Variants in DAB1 observed in about 807,000 individuals in gnomAD.
DAB1 encodes disabled homolog 1.
Under a neutral mutation model 64.6 loss-of-function variants are expected in DAB1, and 15 were observed. The observed-to-expected ratio is 0.23, with a 90% CI of 0.16 to 0.36. The LOEUF (loss-of-function observed/expected upper bound fraction) is 0.36. DAB1 is among the 10% of genes least tolerant of loss of function. DAB1 has a pLI of 1.00. For missense variants in DAB1, 596 were observed against 706.7 expected (o/e 0.84, Z 1.78); for synonymous variants, 235 against 251.9 (o/e 0.93, Z 0.64).
chr1:58,344,947 A>G (rs778442065), intron 3 of DAB1, among the ~76,000 whole-genome samples: 1 of 152,164 alleles, frequency 6.6e-6, no homozygotes, highest in Non-Finnish European at 1.5e-5. Context: ...TCTCTGTTAT[A>G]TGGCCATTGT....
intron 5 of DAB1, among the ~76,000 whole-genome samples, chr1:57,951,334 T>TATATATATATATATATATATATATATC (rs1219655257): frequency 0.025 from 1,590 of 63,462 alleles, 234 homozygotes; most frequent in African/African-American, 0.038. Flanking sequence ...ATATATATAC[T>TATATATATATATATATATATATATATC]TCCCTGGAAA....
upstream of DAB1, among the ~76,000 whole-genome samples, chr1:57,884,650 T>C (rs201557425): frequency 2.6e-5 from 4 of 152,198 alleles, no homozygotes; most frequent in East Asian, 5.8e-4. Flanking sequence ...CTTCAGAAAA[T>C]GTATAAAGGA....
intron 7 of DAB1, among the ~76,000 whole-genome samples, chr1:57,586,365 T>C (rs1645380492): frequency 6.6e-6 from 1 of 152,208 alleles, no homozygotes; most frequent in Admixed American, 6.5e-5. Flanking sequence ...AGCTCTGCAA[T>C]GTCTTTGTTT....
chr1:57,716,404 G>C (rs1647084633), intron 6 of DAB1, among the ~76,000 whole-genome samples: 2 of 152,072 alleles, frequency 1.3e-5, no homozygotes, highest in Admixed American at 1.3e-4. Flanking sequence ...TAGACCAGTG[G>C]AACAGTGTAC....
At chr1:57,755,005 A>G (rs1295337199) in intron 6 of DAB1, among the ~76,000 whole-genome samples, 1 of 145,502 alleles carries the variant, frequency 6.9e-6, no homozygotes, top group Non-Finnish European at 1.6e-5. Context: ...AAAAACAAAC[A>G]AACAAAAAAT....
At chr1:57,316,297 A>G (rs898503948) in intron 1 of DAB1, among the ~76,000 whole-genome samples, 9 of 152,254 alleles carry the variant, frequency 5.9e-5, no homozygotes, top group Non-Finnish European at 1.3e-4. Context: ...TAAAGAGTCA[A>G]ATCTTAGATC....
chr1:58,257,818 T>C (rs748388887), intron 4 of DAB1, among the ~76,000 whole-genome samples: 1 of 152,110 alleles, frequency 6.6e-6, no homozygotes, highest in Non-Finnish European at 1.5e-5. Flanking sequence ...TATGAGGTTA[T>C]GGTTTATGAT....
chr1:57,941,595 G>C (rs1246436381), intron 5 of DAB1, among the ~76,000 whole-genome samples: 2 of 152,224 alleles, frequency 1.3e-5, no homozygotes, highest in Non-Finnish European at 2.9e-5. Flanking sequence ...CCAGCACTTT[G>C]GGAGGCCAAG....
At chr1:57,919,047 A>T (rs528341926) in intron 5 of DAB1, among the ~76,000 whole-genome samples, 3 of 152,334 alleles carry the variant, frequency 2.0e-5, no homozygotes, top group Non-Finnish European at 4.4e-5. Context: ...TATATTTGCA[A>T]TAACCCAGGC....
At chr1:58,370,217 A>T (rs563452844) in intron 3 of DAB1, among the ~76,000 whole-genome samples, 2 of 152,332 alleles carry the variant, frequency 1.3e-5, no homozygotes, top group Non-Finnish European at 2.9e-5. Flanking sequence ...AGTGTACTGA[A>T]TGTGAATAGA....
intron 1 of DAB1, among the ~76,000 whole-genome samples, chr1:57,869,626 A>G (rs890941436): frequency 6.6e-6 from 1 of 152,060 alleles, no homozygotes; most frequent in African/African-American, 2.4e-5. Flanking sequence ...TAGGCCTGCT[A>G]CCCTCCTAAC....
chr1:57,461,549 T>C (rs1306576065), intron 7 of DAB1, among the ~76,000 whole-genome samples: 1 of 152,190 alleles, frequency 6.6e-6, no homozygotes, highest in Non-Finnish European at 1.5e-5. Flanking sequence ...TATGTTCTAC[T>C]AGGAAAAAGG....
At position 58,118,503 on chromosome 1, in the gene DAB1, T is replaced by TACACACAC. The variant is rs34017384; in HGVS notation, n.387+32000_387+32007dup. On this transcript the variant is annotated intron_variant and non_coding_transcript_variant, in intron 5 of 20. Transcript: ENST00000485760. ...ATATATATATATATATATATATATA[T>TACACACAC]ACACACACACACACACACATATATA... 5.9e-3 allele frequency among the ~76,000 whole-genome samples: 311 copies of TACACACAC among 53,086 alleles called. 19 individuals carry two copies. The highest frequency in any genetic ancestry group is 0.03 in the African/African-American group (286 of 9,622). The allele number at this position is 53,086 out of a possible 152,430, so 34.8% of individuals were successfully genotyped here.
chr1:58,132,685 A>G (rs1256137109), intron 5 of DAB1, among the ~76,000 whole-genome samples: 1 of 152,164 alleles, frequency 6.6e-6, no homozygotes, highest in East Asian at 1.9e-4. Flanking sequence ...TAACACAAAC[A>G]GGATTCTGTG....
At position 57,922,611 on chromosome 1, in the gene DAB1, T is replaced by C. The variant is rs539342050; in HGVS notation, n.388-38449A>G. On this transcript the variant is annotated intron_variant and non_coding_transcript_variant, in intron 5 of 20. Coordinates refer to the DAB1 transcript ENST00000485760. ...TGGAAAATGCACAAATGATAACCCC[T>C]TGTGAAAGAATATGATTTTGAGAAG... Among the ~76,000 whole-genome samples, 3 of 151,920 alleles carry C rather than the reference T, an allele frequency of 2.0e-5. No individual in the cohort carries two copies. In the South Asian group the frequency reaches 6.2e-4, roughly 32 times the overall value.
At chr1:58,126,377 C>G (rs919809277) in intron 5 of DAB1, among the ~76,000 whole-genome samples, 8 of 152,184 alleles carry the variant, frequency 5.3e-5, no homozygotes, top group African/African-American at 1.9e-4. Context: ...ACCCATGAGC[C>G]TTCCAGAGCA....
intron 4 of DAB1, among the ~76,000 whole-genome samples, chr1:58,298,078 A>C (rs544771644): frequency 6.6e-6 from 1 of 152,344 alleles, no homozygotes; most frequent in East Asian, 1.9e-4. Flanking sequence ...AATTATTGAA[A>C]TGTGTTGAGG....
chr1:57,640,992 A>G (rs536648748), intron 7 of DAB1, among the ~76,000 whole-genome samples: 1 of 152,336 alleles, frequency 6.6e-6, no homozygotes, highest in East Asian at 1.9e-4. Flanking sequence ...CTTGCAGCAA[A>G]TTGGACACTC....
At chr1:57,333,287 AC>A (rs759460265) in intron 1 of DAB1, among the ~76,000 whole-genome samples, 28 of 152,234 alleles carry the variant, frequency 1.8e-4, no homozygotes, top group Non-Finnish European at 1.9e-4. Flanking sequence ...AAAAAGCTTC[AC>A]ACCTAGGTTC....
Sources: allele counts gnomAD v4.1 joint callset (sites outside exome capture counted in the v4.1 genomes callset), GRCh38; gene constraint gnomAD v4.1.1; transcripts MANE v1.5; gene names NCBI Gene and HGNC (gene_info 2026-07-23, HGNC 2026-07-21).